The following YAP1 variants were observed in gnomAD, a reference collection of about 807,000 sequenced individuals.
YAP1 encodes transcriptional coactivator YAP1.
Under a neutral mutation model 56.9 loss-of-function variants are expected in YAP1, and 5 were observed. That is an observed-to-expected ratio of 0.09 (90% confidence interval 0.05 to 0.18). The LOEUF (loss-of-function observed/expected upper bound fraction) is 0.18. Among genes scored for constraint, YAP1 ranks in the 10% least tolerant of loss-of-function variants. The pLI, the probability that YAP1 is intolerant of heterozygous loss-of-function variation, is 1.00. For missense variants in YAP1, 539 were observed against 651.8 expected (o/e 0.83, Z 1.88); for synonymous variants, 265 against 248.1 (o/e 1.07, Z -0.64).
intron 2 of YAP1, among the ~76,000 whole-genome samples, chr11:102,161,205 G>T (rs1054798369): frequency 6.6e-6 from 1 of 151,436 alleles, no homozygotes; most frequent in Non-Finnish European, 1.5e-5. Flanking sequence ...GGGACTACAG[G>T]CGCCCGCCAC....
chr11:102,179,488 C>T (rs72974134), intron 3 of YAP1, among the ~76,000 whole-genome samples: 4,777 of 152,124 alleles, frequency 0.031, 121 homozygotes, highest in Non-Finnish European at 0.05. Context: ...ACCATAAAAA[C>T]GAAGCGAACT....
At chr11:102,155,212 A>G (rs1200521712) in intron 2 of YAP1, among the ~76,000 whole-genome samples, 2 of 152,214 alleles carry the variant, frequency 1.3e-5, no homozygotes, top group African/African-American at 2.4e-5. Context: ...TTACCTAAAT[A>G]ACATTTCCTA....
intron 7 of YAP1, among the ~76,000 whole-genome samples, chr11:102,224,145 A>G (rs1950082184): frequency 6.6e-6 from 1 of 152,236 alleles, no homozygotes; most frequent in African/African-American, 2.4e-5. Flanking sequence ...CCACATAGCT[A>G]TTCAAGCTAA....
chr11:102,213,313 G>A (rs1204802981), intron 6 of YAP1, among the ~76,000 whole-genome samples: 5 of 151,998 alleles, frequency 3.3e-5, no homozygotes, highest in Non-Finnish European at 7.4e-5. Context: ...GGTGAAACCC[G>A]TCTCTACTAA....
rs1286160496 is a variant in YAP1, at chr11:102,209,237, CAG to C, written c.985-278_985-277del. ...TATTGTATCTGCTTTATCTAATACTCAGAAACAAAGAACCTACGTGACCAATA... is the reference window on the plus strand; with the variant it reads ...TATTGTATCTGCTTTATCTAATACTCAAACAAAGAACCTACGTGACCAATA... On this transcript the variant is annotated intron_variant, in intron 5 of 8. Transcript: ENST00000282441. 2.0e-5 allele frequency among the ~76,000 whole-genome samples: 3 copies of C among 152,280 alleles called. No individual in the cohort carries two copies. In the East Asian group the frequency reaches 5.8e-4, roughly 29 times the overall value.
At chr11:102,133,562 G>A (rs567002497) in intron 2 of YAP1, among the ~76,000 whole-genome samples, 20 of 152,202 alleles carry the variant, frequency 1.3e-4, no homozygotes, top group Non-Finnish European at 1.8e-4. Context: ...CTCCCACAGG[G>A]CTGGGATTAC....
In YAP1 at chr11:102,226,291, A is replaced by G. The variant is rs545181444; in HGVS notation, c.1164-1178A>G. 3.3e-5 allele frequency among the ~76,000 whole-genome samples: 5 copies of G among 152,298 alleles called. No individual in the cohort carries two copies. The East Asian group carries it at 9.6e-4, about 29-fold the overall frequency. ...AGCCTTGGCAAAATCTGGCAGAAGC[A>G]TTAGAGTAAACCAGTGATGGCAGTA... On this transcript the variant is annotated intron_variant, in intron 7 of 8. Transcript: ENST00000282441.
At chr11:102,226,882 C>T (rs999076555) in intron 7 of YAP1, 2 of 152,268 alleles carry the variant, frequency 1.3e-5, no homozygotes, top group African/African-American at 4.8e-5. Context: ...ATCTTATTGG[C>T]AGTGACTCAC....
intron 3 of YAP1, among the ~76,000 whole-genome samples, chr11:102,170,991 A>T (rs1244178412): frequency 1.3e-5 from 2 of 151,904 alleles, no homozygotes; most frequent in Non-Finnish European, 2.9e-5. Context: ...GAAAAAAAAA[A>T]TTTAGATCCA....
Position 102,111,154 on chromosome 11 carries a change from A to C in YAP1, c.306A>C (p.Lys102Asn), listed in dbSNP as rs781207075. 6.2e-7 allele frequency: 1 copy of C among 1,612,744 alleles called. No individual in the cohort carries two copies. Among genetic ancestry groups the C allele is most frequent in the Non-Finnish European group, 8.5e-7 (1 of 1,179,756 alleles). ...PDSFFKPPEP[K>N]SHSRQASTDA... ...CCTTCTTCAAGCCGCCGGAGCCCAA[A>C]TCCCACTCCCGACAGGTAACCTCGT... The change falls in exon 1 of 9, where the codon AAA becomes AAC. Residue 102 changes from lysine (K) to asparagine (N), a missense_variant. By Grantham distance (94) the Lys-to-Asn change is moderately conservative. This residue lies in a region of YAP1 where 414 missense variants were observed against 512.4 expected (regional missense o/e 0.81). Coordinates refer to ENST00000282441, the MANE Select transcript of YAP1 (RefSeq NM_001130145.3).
chr11:102,229,715 C>G lies in YAP1; in HGVS notation c.1290C>G (p.Asn430Lys). The change falls in exon 9 of 9, where the codon AAC becomes AAG. Residue 430 changes from asparagine (N) to lysine (K), a missense_variant. By Grantham distance (94) the Asn-to-Lys change is moderately conservative (BLOSUM62 0). Coordinates refer to ENST00000282441, the MANE Select transcript of YAP1 (RefSeq NM_001130145.3). ...TGTTTCCACTAGGTGATACTATCAA[C>G]CAAAGCACCCTGCCCTCACAGCAGA... is the stretch of plus-strand genomic sequence containing the variant. ...VDEMDTGDTI[N>K]QSTLPSQQNR... 6.2e-7 allele frequency: 1 copy of G among 1,614,032 alleles called. No homozygotes were observed. Among genetic ancestry groups the G allele is most frequent in the Non-Finnish European group, 8.5e-7 (1 of 1,179,954 alleles).
intron 4 of YAP1, 48 bp from the exon 5 acceptor site, chr11:102,205,845 T>G (rs1949092155): frequency 6.9e-7 from 1 of 1,450,894 alleles, no homozygotes; most frequent in Non-Finnish European, 9.1e-7. Context: ...CATTTTATCT[T>G]CCTTCACTAG....
At chr11:102,120,231 C>G (rs539537758) in intron 2 of YAP1, among the ~76,000 whole-genome samples, 1 of 152,194 alleles carries the variant, frequency 6.6e-6, no homozygotes. Flanking sequence ...TTACGTAGGG[C>G]TTGACCCCTT....
chr11:102,153,234 T>G (rs796983772), intron 2 of YAP1, among the ~76,000 whole-genome samples: 1 of 152,222 alleles, frequency 6.6e-6, no homozygotes, highest in African/African-American at 2.4e-5. Flanking sequence ...AGTTCATCTT[T>G]TGTGTAGCAG....
At chr11:102,191,740 T>G (rs1591374241) in intron 4 of YAP1, among the ~76,000 whole-genome samples, 1 of 152,150 alleles carries the variant, frequency 6.6e-6, no homozygotes, top group African/African-American at 2.4e-5. Flanking sequence ...GAGTGCAGCA[T>G]GGCTCAATCT....
At chr11:102,141,109 A>G (rs1944996610) in intron 2 of YAP1, among the ~76,000 whole-genome samples, 1 of 152,172 alleles carries the variant, frequency 6.6e-6, no homozygotes, top group Non-Finnish European at 1.5e-5. Flanking sequence ...GATTCAGCTC[A>G]GGTGTTAATT....
chr11:102,227,684 A>G (rs545835750), intron 8 of YAP1, 103 bp downstream of exon 8: 1 of 755,752 alleles, frequency 1.3e-6, no homozygotes, highest in African/African-American at 1.7e-5. Context: ...GAAGAAAACC[A>G]ATTAAAATCC....
intron 2 of YAP1, among the ~76,000 whole-genome samples, chr11:102,135,118 G>A (rs867242544): frequency 2.6e-5 from 4 of 152,134 alleles, no homozygotes; most frequent in Middle Eastern, 3.4e-3. Flanking sequence ...GTCTGCCCAC[G>A]TTAGCCTCCC....
chr11:102,152,917 C>T (rs557715091), intron 2 of YAP1, among the ~76,000 whole-genome samples: 1 of 152,232 alleles, frequency 6.6e-6, no homozygotes, highest in Admixed American at 6.5e-5. Flanking sequence ...GCTGAGAGAG[C>T]TTAGGGAAAC....
Sources: gnomAD v4.1 joint callset for allele counts (sites outside exome capture counted in the v4.1 genomes callset) on GRCh38, gnomAD v4.1.1 for gene constraint, gnomAD v4.1.1 regional missense constraint, MANE v1.5 for transcripts, NCBI Gene and HGNC (gene_info 2026-07-23, HGNC 2026-07-21) for gene names.